Variants in NGFR observed in about 807,000 individuals in gnomAD.
The protein encoded by NGFR is nerve growth factor receptor.
Under a neutral mutation model 43.2 loss-of-function variants are expected in NGFR, and 30 were observed. The observed-to-expected ratio is 0.69, with a 90% CI of 0.52 to 0.94. The LOEUF (loss-of-function observed/expected upper bound fraction) is 0.94. Among genes scored for constraint, NGFR ranks in the 40% least tolerant of loss-of-function variants. NGFR has a pLI of 0.00. For synonymous variants in NGFR, 246 were observed against 259.6 expected (o/e 0.95, Z 0.50); for missense variants, 529 against 602.5 (o/e 0.88, Z 1.28).
chr17:49,507,025 T>C (rs2071204075), intron 3 of NGFR, among the ~76,000 whole-genome samples: 1 of 152,144 alleles, frequency 6.6e-6, no homozygotes, highest in Non-Finnish European at 1.5e-5. Flanking sequence ...AGGTGGCCAC[T>C]ACCCCCAGGG....
chr17:49,507,786 C>T (rs1040131521), intron 3 of NGFR, among the ~76,000 whole-genome samples: 10 of 152,196 alleles, frequency 6.6e-5, no homozygotes, highest in Non-Finnish European at 1.3e-4. Flanking sequence ...CAGTGAGCCC[C>T]CAGTTTGATG....
At chr17:49,499,267 A>G (rs2071154392) in intron 1 of NGFR, among the ~76,000 whole-genome samples, 1 of 152,198 alleles carries the variant, frequency 6.6e-6, no homozygotes, top group Non-Finnish European at 1.5e-5. Context: ...AAGCCCCCAC[A>G]CCACCCAAGA....
At chr17:49,497,791 G>A (rs1382913392) in intron 1 of NGFR, 8 of 152,584 alleles carry the variant, frequency 5.2e-5, no homozygotes, top group Non-Finnish European at 1.5e-5. Flanking sequence ...GATGGAACGA[G>A]GGCAGCAAAT....
In NGFR at chr17:49,512,158, C is replaced by T; in HGVS notation, c.982+106C>T. ...ACTGTCGGGGGGGCGGCAGGGCTGG[C>T]TCAGCGGTGCCCCTGTAGATGGATG... On this transcript the variant is annotated intron_variant, in intron 5 of 5. Transcript: ENST00000172229. This position sits in a 1 kb window ranked among gnomAD's most constrained non-coding sequence, Gnocchi z 5.2. The T allele has an allele frequency of 7.3e-7, 1 of 1,369,638 alleles. No individual in the cohort carries two copies. Among genetic ancestry groups the T allele is most frequent in the Non-Finnish European group, 9.8e-7 (1 of 1,017,162 alleles). 84.8% of individuals were successfully genotyped at this position (1,369,638 alleles called of 1,614,324 possible). A position where few individuals can be genotyped will look rare whatever the true frequency, so the allele number is the denominator to read the frequency against.
intron 2 of NGFR, among the ~76,000 whole-genome samples, chr17:49,502,809 G>A (rs2071174413): frequency 7.9e-6 from 1 of 126,380 alleles, no homozygotes; most frequent in African/African-American, 2.9e-5. Context: ...ATTCCTGCCT[G>A]GGATTTCTTC....
At chr17:49,508,984 TG>T (rs2071215708) in intron 3 of NGFR, among the ~76,000 whole-genome samples, 2 of 152,184 alleles carry the variant, frequency 1.3e-5, no homozygotes, top group African/African-American at 4.8e-5. Context: ...CCCCCCAGCT[TG>T]CCCAGTCCCC....
rs201797583 is a variant in NGFR, at chr17:49,512,865, C to G, written c.1140C>G (p.Ala380=). 22 of 1,613,394 alleles carry G rather than the reference C, an allele frequency of 1.4e-5. 1 individual carries two copies. In the South Asian group the frequency reaches 2.1e-4, roughly 15 times the overall value. The change falls in exon 6 of 6, where the codon GCC becomes GCG. Residue 380 remains alanine, a synonymous_variant. Coordinates refer to ENST00000172229, the MANE Select transcript of NGFR (RefSeq NM_002507.4). This position sits in a 1 kb window ranked among gnomAD's most constrained non-coding sequence, Gnocchi z 5.2. ...PEHIDSFTHE[A]CPVRALLASW... ...ACATAGACTCCTTTACCCATGAGGC[C>G]TGCCCCGTTCGCGCCCTGCTTGCAA...
rs752771593 is a variant in NGFR at position 49,512,042 on chromosome 17, C to G, written c.972C>G (p.Ala324=). Residue 324 remains alanine (A), a synonymous_variant, in exon 5 of 6, where the codon GCC becomes GCG. Coordinates refer to ENST00000172229, the MANE Select transcript of NGFR (RefSeq NM_002507.4). This position sits in a 1 kb window ranked among gnomAD's most constrained non-coding sequence, Gnocchi z 5.2. ...LHDQQPHTQT[A]SGQALKGDGG... ...ACCAGCAGCCCCACACGCAGACAGC[C>G]TCGGGCCAGGGTGAGCAGCGGCCCG... The G allele has an allele frequency of 6.2e-7, 1 of 1,613,362 alleles. No homozygotes were observed. The highest frequency in any genetic ancestry group is 1.1e-5 in the South Asian group (1 of 90,994).
rs9898165 is a variant in NGFR, at chr17:49,506,288, G to A, written c.209-11G>A. On this transcript the variant is annotated splice_polypyrimidine_tract_variant and intron_variant, in intron 2 of 5. Coordinates refer to ENST00000172229, the MANE Select transcript of NGFR (RefSeq NM_002507.4). ...GAGCAGACGACTAAATCTGGTGTCCGCTGCGCTCAGGCGTGACGTTCTCCG... is the reference window on the plus strand; with the variant it reads ...GAGCAGACGACTAAATCTGGTGTCCACTGCGCTCAGGCGTGACGTTCTCCG... The A allele has an allele frequency of 0.01, 15,393 of 1,537,518 alleles. 1,216 individuals are homozygous for A. The African/African-American group carries it at 0.18, about 18-fold the overall frequency.
At chr17:49,509,229 T>C (rs1363896662) in intron 3 of NGFR, among the ~76,000 whole-genome samples, 1 of 152,200 alleles carries the variant, frequency 6.6e-6, no homozygotes, top group Non-Finnish European at 1.5e-5. Context: ...CATTTCATCT[T>C]GAGTGGAAGA....
rs536899385 is a variant in NGFR, at chr17:49,510,816, G to C, written c.821+152G>C. The C allele has an allele frequency of 1.7e-5, 16 of 954,262 alleles. 1 individual carries two copies. The South Asian group carries it at 2.5e-4, about 15-fold the overall frequency. The allele number at this position is 954,262 out of a possible 1,614,324, so 59.1% of individuals were successfully genotyped here. A position where few individuals can be genotyped will look rare whatever the true frequency, so the allele number is the denominator to read the frequency against. ...ATCATCTGCCGCCCCACTCCAGGGT[G>C]CAGCAGGTCAGCAGGAGGTGAGGGG... On this transcript the variant is annotated intron_variant, in intron 4 of 5. Coordinates refer to ENST00000172229, the MANE Select transcript of NGFR (RefSeq NM_002507.4).
chr17:49,507,006 G>A (rs573676481), intron 3 of NGFR, among the ~76,000 whole-genome samples: 2 of 152,312 alleles, frequency 1.3e-5, no homozygotes, highest in East Asian at 1.9e-4. Context: ...TGAACAGCAA[G>A]CAGCTCGAAG....
intron 2 of NGFR, 80 bp from the exon 3 acceptor site, chr17:49,506,219 A>G (rs55759007): frequency 0.12 from 174,763 of 1,494,786 alleles, 11,030 homozygotes; most frequent in South Asian, 0.21. Flanking sequence ...GGCAGGCAAT[A>G]GGGGAGGGAG....
rs1206096788 is a variant in NGFR at position 49,506,646 on chromosome 17, G to A, written c.556G>A (p.Ala186Thr). ...CCGCGAGTGCACACGCTGGGCCGAC[G>A]CCGAGTGCGAGGGTGAGTGCGGTTC... is the stretch of plus-strand genomic sequence containing the variant. ...QLRECTRWAD[A>T]ECEEIPGRWI... is the part of the protein sequence containing the mutation. The change falls in exon 3 of 6, where the codon GCC becomes ACC. Residue 186 changes from alanine (A) to threonine (T), a missense_variant. Transcript: ENST00000172229. The A allele has an allele frequency of 2.6e-6, 4 of 1,540,438 alleles. No homozygotes were observed. Among genetic ancestry groups the A allele is most frequent in the African/African-American group, 2.7e-5 (2 of 72,948 alleles).
In NGFR at chr17:49,506,294, C is replaced by G. The variant is rs774916708; in HGVS notation, c.209-5C>G. On this transcript the variant is annotated splice_region_variant and splice_polypyrimidine_tract_variant and intron_variant, in intron 2 of 5. Transcript: ENST00000172229. ...ACGACTAAATCTGGTGTCCGCTGCGCTCAGGCGTGACGTTCTCCGACGTGG... is the reference window on the plus strand; with the variant it reads ...ACGACTAAATCTGGTGTCCGCTGCGGTCAGGCGTGACGTTCTCCGACGTGG... 1 of 1,547,234 alleles carries G rather than the reference C, an allele frequency of 6.5e-7. No individual in the cohort carries two copies. Among genetic ancestry groups the G allele is most frequent in the Non-Finnish European group, 8.7e-7 (1 of 1,148,594 alleles).
At position 49,513,121 on chromosome 17, in the gene NGFR, A is replaced by T; in HGVS notation, c.*112A>T. ...GGGGGGGGCCCGCCTGGCAGAACTGAGCTCCTCTGGGCAGGACCTCAGAGT... is the reference window on the plus strand; with the variant it reads ...GGGGGGGGCCCGCCTGGCAGAACTGTGCTCCTCTGGGCAGGACCTCAGAGT... On this transcript the variant is annotated 3_prime_UTR_variant, in exon 6 of 6. Transcript: ENST00000172229. The T allele has an allele frequency of 8.3e-7, 1 of 1,208,320 alleles. No homozygotes were observed. Among genetic ancestry groups the T allele is most frequent in the Non-Finnish European group, 1.1e-6 (1 of 892,542 alleles). The allele number at this position is 1,208,320 out of a possible 1,614,324, so 74.8% of individuals were successfully genotyped here.
At chr17:49,510,774 C>T in intron 4 of NGFR, 110 bp downstream of exon 4, 1 of 1,375,324 alleles carries the variant, frequency 7.3e-7, no homozygotes, top group African/African-American at 1.4e-5. Flanking sequence ...AACCCCAAAC[C>T]AAGCTCATCC....
At position 49,506,574 on chromosome 17, in the gene NGFR, G is replaced by T; in HGVS notation, c.484G>T (p.Asp162Tyr). The T allele has an allele frequency of 6.2e-7, 1 of 1,611,284 alleles. No homozygotes were observed. ...GTYSDEANHV[D>Y]PCLPCTVCED... is the part of the protein sequence containing the mutation. ...GTATTCCGACGAGGCCAACCACGTG[G>T]ACCCGTGCCTGCCCTGCACCGTGTG... The change falls in exon 3 of 6, where the codon GAC becomes TAC. Residue 162 changes from aspartate (D) to tyrosine (Y), a missense_variant. By Grantham distance (160) the Asp-to-Tyr change is radical. Transcript: ENST00000172229.
intron 1 of NGFR, among the ~76,000 whole-genome samples, chr17:49,500,098 T>G (rs943247067): frequency 1.4e-5 from 2 of 144,484 alleles, no homozygotes; most frequent in African/African-American, 5.1e-5. Context: ...AAGACAAAAG[T>G]GTGGTAATTT....
Sources: gnomAD v4.1 joint callset for allele counts (sites outside exome capture counted in the v4.1 genomes callset) on GRCh38, gnomAD v4.1.1 for gene constraint, Gnocchi (gnomAD v3.1) non-coding constraint, MANE v1.5 for transcripts, NCBI Gene and HGNC (gene_info 2026-07-23, HGNC 2026-07-21) for gene names.